Variants in PARD3B observed in about 807,000 individuals in gnomAD.
The protein encoded by PARD3B is partitioning defective 3 homolog B.
PARD3B carries 103 observed loss-of-function variants against 130.2 expected under a neutral mutation model. That is an observed-to-expected ratio of 0.79 (90% CI 0.67 to 0.93). PARD3B has a LOEUF of 0.93. Among genes scored for constraint, PARD3B ranks in the 40% least tolerant of loss-of-function variants. The pLI is 0.00. For synonymous variants in PARD3B, 583 were observed against 553.2 expected, an observed-to-expected ratio of 1.05 and a Z score of -0.76; for missense variants, 1,609 against 1,499.2, an observed-to-expected ratio of 1.07 and a Z score of -1.21.
chr2:205,390,008 G>A (rs2045795443), intron 18 of PARD3B, among the ~76,000 whole-genome samples: 1 of 152,074 alleles, frequency 6.6e-6, no homozygotes, highest in Admixed American at 6.5e-5. Flanking sequence ...AAAAATCAAA[G>A]TTGAGAGCTT....
chr2:205,186,020 G>C (rs910973976), intron 14 of PARD3B, among the ~76,000 whole-genome samples, 157 bp downstream of exon 14: 1 of 152,158 alleles, frequency 6.6e-6, no homozygotes, highest in Non-Finnish European at 1.5e-5. Context: ...TTCAGTGAAA[G>C]TTTCTCATAG....
chr2:205,377,175 A>G (rs1357404548), intron 18 of PARD3B, among the ~76,000 whole-genome samples: 1 of 152,146 alleles, frequency 6.6e-6, no homozygotes, highest in East Asian at 1.9e-4. Context: ...AAGTTGGAGG[A>G]AAGGATTTAG....
chr2:204,676,386 T>A (rs1212618183), intron 1 of PARD3B, among the ~76,000 whole-genome samples: 2 of 152,110 alleles, frequency 1.3e-5, no homozygotes, highest in Non-Finnish European at 2.9e-5. Flanking sequence ...ATAGACTTTC[T>A]GCTTGGGGAT....
At chr2:205,384,272 C>G (rs2045584485) in intron 18 of PARD3B, among the ~76,000 whole-genome samples, 1 of 152,058 alleles carries the variant, frequency 6.6e-6, no homozygotes, top group South Asian at 2.1e-4. Flanking sequence ...AGTTTTATAT[C>G]CTTTCCCTTC....
In PARD3B at chr2:205,615,487, C is replaced by A. The variant is rs1256233443; in HGVS notation, c.3292C>A (p.Pro1098Thr). 2 of 1,610,818 alleles carry A rather than the reference C, an allele frequency of 1.2e-6. No individual in the cohort carries two copies. Among genetic ancestry groups the A allele is most frequent in the African/African-American group, 2.7e-5 (2 of 74,952 alleles). Residue 1098 changes from proline (P) to threonine (T), a missense_variant, in exon 23 of 23, where the codon CCA (proline) becomes ACA (threonine). Coordinates refer to ENST00000406610, the MANE Select transcript of PARD3B (RefSeq NM_001302769.2). ...ACCCGCAGATCCTGTAGACTATCTGCCAGCAGCACCTCGGGGGCTCTACAA... is the reference window on the plus strand; with the variant it reads ...ACCCGCAGATCCTGTAGACTATCTGACAGCAGCACCTCGGGGGCTCTACAA... The part of the protein sequence containing the change: ...GGPADPVDYL[P>T]AAPRGLYKER...
chr2:205,473,882 TTGCAAGCTTGATC>T lies in PARD3B; in HGVS notation c.3045-26012_3045-26000del, dbSNP rs2048936887. On this transcript the variant is annotated intron_variant, in intron 20 of 22. Coordinates refer to ENST00000406610, the MANE Select transcript of PARD3B (RefSeq NM_001302769.2). This position sits in a 1 kb window ranked among gnomAD's most constrained non-coding sequence, Gnocchi z 4.9. ...CACCCTGAGCTACCAAATTATACTTTTGCAAGCTTGATCTTCAACCTCACTTATGTCCCCATGA... is the reference window on the plus strand; with the variant it reads ...CACCCTGAGCTACCAAATTATACTTTTTCAACCTCACTTATGTCCCCATGA... Among the ~76,000 whole-genome samples, 1 of 150,408 alleles carries T rather than the reference TTGCAAGCTTGATC, an allele frequency of 6.6e-6. No homozygotes were observed. The highest frequency in any genetic ancestry group is 2.1e-4 in the South Asian group (1 of 4,812).
chr2:205,178,143 TAAAAAAAAAAAA>T (rs58267787), intron 13 of PARD3B, among the ~76,000 whole-genome samples: 411 of 20,802 alleles, frequency 0.02, 6 homozygotes, highest in African/African-American at 0.074. Context: ...CCATCTGTAC[TAAAAAAAAAAAA>T]AAAAAAAAAA....
At chr2:205,581,584 T>C (rs943583585) in intron 22 of PARD3B, among the ~76,000 whole-genome samples, 3 of 150,352 alleles carry the variant, frequency 2.0e-5, no homozygotes, top group African/African-American at 7.4e-5. Context: ...AGTATATATT[T>C]TTAAATAACT....
At chr2:205,535,820 C>T (rs1309617670) in intron 21 of PARD3B, among the ~76,000 whole-genome samples, 1 of 152,160 alleles carries the variant, frequency 6.6e-6, no homozygotes, top group Non-Finnish European at 1.5e-5. Flanking sequence ...CAATAACTCA[C>T]AGAAATTAGT....
intron 2 of PARD3B, among the ~76,000 whole-genome samples, chr2:204,732,312 T>G (rs1183245505): frequency 6.6e-6 from 1 of 152,000 alleles, no homozygotes; most frequent in Non-Finnish European, 1.5e-5. Context: ...CTGGAGGGAG[T>G]GCTAGAAAGG....
At chr2:204,962,310 G>C (rs946503387) in intron 2 of PARD3B, among the ~76,000 whole-genome samples, 9 of 152,166 alleles carry the variant, frequency 5.9e-5, no homozygotes, top group Non-Finnish European at 1.0e-4. Flanking sequence ...ATCCAACATT[G>C]CCTGTTTGTA....
intron 1 of PARD3B, among the ~76,000 whole-genome samples, chr2:204,575,055 A>T (rs922427641): frequency 6.6e-6 from 1 of 152,002 alleles, no homozygotes. Flanking sequence ...TGGCTGTCAT[A>T]GCAAGCAGCA....
intron 2 of PARD3B, among the ~76,000 whole-genome samples, chr2:204,859,504 T>C (rs2045098348): frequency 6.6e-6 from 1 of 152,240 alleles, no homozygotes; most frequent in Non-Finnish European, 1.5e-5. Context: ...CTGTAAAGAT[T>C]GGAAAACCTC....
chr2:204,671,839 G>A (rs1312020384), intron 1 of PARD3B, among the ~76,000 whole-genome samples: 1 of 152,100 alleles, frequency 6.6e-6, no homozygotes, highest in Admixed American at 6.6e-5. Flanking sequence ...AGTCATCTCA[G>A]CTTTGGGGTT....
Position 205,035,739 on chromosome 2 carries a change from A to G in PARD3B, c.395-11842A>G, listed in dbSNP as rs190510703. Among the ~76,000 whole-genome samples the G allele has an allele frequency of 1.6e-3, 242 of 147,382 alleles. 1 individual carries two copies. The highest frequency in any genetic ancestry group is 5.8e-3 in the African/African-American group (233 of 40,218). On this transcript the variant is annotated intron_variant, in intron 3 of 22. Coordinates refer to ENST00000406610, the MANE Select transcript of PARD3B (RefSeq NM_001302769.2). Reference sequence around the variant, plus strand: ...CACATAAAAATAGTCCATTATATATATTCTACTATGTATATAAATAATCCA... The same window carrying G: ...CACATAAAAATAGTCCATTATATATGTTCTACTATGTATATAAATAATCCA...
intron 2 of PARD3B, among the ~76,000 whole-genome samples, chr2:204,944,744 G>A (rs374891265): frequency 4.6e-5 from 7 of 152,200 alleles, no homozygotes; most frequent in African/African-American, 9.6e-5. Flanking sequence ...GGTTGCCGAC[G>A]GAGTGATTTT....
chr2:205,561,573 G>A (rs990308366), intron 22 of PARD3B, among the ~76,000 whole-genome samples: 5 of 152,280 alleles, frequency 3.3e-5, no homozygotes, highest in Admixed American at 6.5e-5. Context: ...ACTGCTCCCC[G>A]CAGTCATGCC....
At chr2:204,598,912 A>G (rs1481070195) in intron 1 of PARD3B, among the ~76,000 whole-genome samples, 1 of 152,024 alleles carries the variant, frequency 6.6e-6, no homozygotes, top group Non-Finnish European at 1.5e-5. Flanking sequence ...GCTGTGTTTG[A>G]GAATGCTGTC....
At chr2:204,878,694 T>C (rs1012036636) in intron 2 of PARD3B, among the ~76,000 whole-genome samples, 4 of 152,196 alleles carry the variant, frequency 2.6e-5, no homozygotes, top group Admixed American at 1.3e-4. Context: ...TGTTTATGTG[T>C]GTCACACATA....
Sources: gnomAD v4.1 joint callset for allele counts (sites outside exome capture counted in the v4.1 genomes callset) on GRCh38, gnomAD v4.1.1 for gene constraint, Gnocchi (gnomAD v3.1) non-coding constraint, MANE v1.5 for transcripts, NCBI Gene and HGNC (gene_info 2026-07-23, HGNC 2026-07-21) for gene names.